SLC6A2: variants seen among roughly 807,000 people sequenced by gnomAD.
The protein encoded by SLC6A2 is solute carrier family 6 member 2.
SLC6A2 carries 26 observed loss-of-function variants against 71.7 expected under a neutral mutation model. The observed-to-expected ratio is 0.36, with a 90% confidence interval of 0.27 to 0.50. The LOEUF is 0.50. Among genes scored for constraint, SLC6A2 ranks in the 20% least tolerant of loss-of-function variants. The pLI is 0.96. For synonymous variants in SLC6A2, 363 were observed against 337.9 expected, an observed-to-expected ratio of 1.07 and a Z score of -0.82; for missense variants, 581 against 803.9, an observed-to-expected ratio of 0.72 and a Z score of 3.35.
chr16:55,705,567 G>T lies in SLC6A2; in HGVS notation c.*3221G>T, dbSNP rs1966083673. On this transcript the variant is annotated 3_prime_UTR_variant, in exon 15 of 15. Transcript: ENST00000568943. ...CTAGCTGGGTGGCCTGGGGATAGTG[G>T]CTTCATCTTTTGGGGCTTCAAGATT... The T allele has an allele frequency of 6.3e-6, 2 of 316,792 alleles. No homozygotes were observed. The highest frequency in any genetic ancestry group is 2.1e-5 in the African/African-American group (1 of 47,058). 19.6% of individuals were successfully genotyped at this position (316,792 alleles called of 1,614,324 possible).
chr16:55,703,480 C>T lies in SLC6A2; in HGVS notation c.*1134C>T, dbSNP rs1351535081. ...GGGTGAGACAAGCAGCCCAGAAATA[C>T]TCTCTCAAGTGGAGGGGAGAATTTT... On this transcript the variant is annotated 3_prime_UTR_variant, in exon 15 of 15. Transcript: ENST00000568943. 2 of 985,410 alleles carry T rather than the reference C, an allele frequency of 2.0e-6. No homozygotes were observed. Among genetic ancestry groups the T allele is most frequent in the South Asian group, 4.7e-5 (1 of 21,286 alleles). 61.0% of individuals were successfully genotyped at this position (985,410 alleles called of 1,614,324 possible).
chr16:55,663,298 G>T (rs189369615), intron 2 of SLC6A2, among the ~76,000 whole-genome samples: 1 of 152,160 alleles, frequency 6.6e-6, no homozygotes. Flanking sequence ...TCATGAGAGT[G>T]GATCCCTTAT....
rs755225108 is a variant in SLC6A2, at chr16:55,701,945, C to T, written c.1830+11C>T. On this transcript the variant is annotated intron_variant, in intron 14 of 14. Coordinates refer to ENST00000568943, the MANE Select transcript of SLC6A2 (RefSeq NM_001172501.3). ...ATCAGACAGTTCCAGGTGGGTGAAGCCTAGACCCCTGGGGTGGAGATTACA... is the reference window on the plus strand; with the variant it reads ...ATCAGACAGTTCCAGGTGGGTGAAGTCTAGACCCCTGGGGTGGAGATTACA... The T allele has an allele frequency of 6.9e-6, 11 of 1,605,160 alleles. No individual in the cohort carries two copies. The highest frequency in any genetic ancestry group is 2.2e-5 in the South Asian group (2 of 90,900).
At position 55,700,158 on chromosome 16, in the gene SLC6A2, T is replaced by C. The variant is rs576732054; in HGVS notation, c.1610T>C (p.Ile537Thr). 3 of 1,614,078 alleles carry C rather than the reference T, an allele frequency of 1.9e-6. No homozygotes were observed. The highest frequency in any genetic ancestry group is 4.5e-5 in the East Asian group (2 of 44,858). ...CTCTAGTTCGTGGTTGTGGTCAGCA[T>C]CATCAACTTCAAGCCACTCACCTAC... is the stretch of plus-strand genomic sequence containing the variant. ...AFLLFVVVVSIINFKPLTYDD... is the reference protein window; with the variant it reads ...AFLLFVVVVSTINFKPLTYDD... Residue 537 changes from isoleucine (I) to threonine (T), a missense_variant, in exon 13 of 15, where the codon ATC (isoleucine) becomes ACC (threonine). Transcript: ENST00000568943.
At chr16:55,657,182 C>T (rs982391590) in intron 2 of SLC6A2, among the ~76,000 whole-genome samples, 2 of 152,132 alleles carry the variant, frequency 1.3e-5, no homozygotes, top group Non-Finnish European at 2.9e-5. Context: ...ACCTCGAGCT[C>T]ATTCCAGCGG....
At position 55,703,268 on chromosome 16, in the gene SLC6A2, G is replaced by A. The variant is rs1471147128; in HGVS notation, c.*922G>A. 22 of 985,350 alleles carry A rather than the reference G, an allele frequency of 2.2e-5. No individual in the cohort carries two copies. Among genetic ancestry groups the A allele is most frequent in the South Asian group, 4.7e-5 (1 of 21,286 alleles). The allele number at this position is 985,350 out of a possible 1,614,324, so 61.0% of individuals were successfully genotyped here. A position where few individuals can be genotyped will look rare whatever the true frequency, so the allele number is the denominator to read the frequency against. On this transcript the variant is annotated 3_prime_UTR_variant, in exon 15 of 15. Transcript: ENST00000568943. The stretch of plus-strand genomic sequence containing the variant: ...GTGAGGCCTCATGTGTGTCTTCACC[G>A]TGCTGTCCTCACAAGGCCAGGTGGG...
At chr16:55,669,474 G>A (rs1378182515) in intron 2 of SLC6A2, 91 bp from the exon 3 acceptor site, 10 of 1,429,736 alleles carry the variant, frequency 7.0e-6, no homozygotes, top group East Asian at 4.6e-5. Context: ...CTGAGCAGAC[G>A]CCCAGGATCT....
intron 5 of SLC6A2, 110 bp from the exon 6 acceptor site, chr16:55,691,808 A>T: frequency 8.0e-7 from 1 of 1,252,374 alleles, no homozygotes; most frequent in Non-Finnish European, 1.2e-6. Context: ...GGGTAAAGGA[A>T]GGTGGGAAAG....
intron 4 of SLC6A2, among the ~76,000 whole-genome samples, chr16:55,684,791 C>G (rs1965394096): frequency 6.6e-6 from 1 of 152,228 alleles, no homozygotes; most frequent in Non-Finnish European, 1.5e-5. Context: ...CTGCTGAGAA[C>G]TGCTCTTTAT....
intron 5 of SLC6A2, among the ~76,000 whole-genome samples, chr16:55,691,265 G>A (rs928799597): frequency 9.6e-5 from 14 of 146,516 alleles, no homozygotes; most frequent in South Asian, 2.3e-4. Context: ...GAGAGAGAGA[G>A]AGAGAGAGAG....
chr16:55,672,574 C>T (rs1336573824), intron 4 of SLC6A2, among the ~76,000 whole-genome samples: 1 of 152,180 alleles, frequency 6.6e-6, no homozygotes, highest in Non-Finnish European at 1.5e-5. Flanking sequence ...AAAGGCCTCT[C>T]TGAGGAGGTG....
intron 2 of SLC6A2, among the ~76,000 whole-genome samples, chr16:55,666,327 G>A (rs1366144337): frequency 6.6e-6 from 1 of 152,188 alleles, no homozygotes; most frequent in African/African-American, 2.4e-5. Flanking sequence ...TCGGTTTCCA[G>A]AGAACCACTG....
At chr16:55,679,576 T>C (rs544954633) in intron 4 of SLC6A2, among the ~76,000 whole-genome samples, 1 of 152,210 alleles carries the variant, frequency 6.6e-6, no homozygotes, top group African/African-American at 2.4e-5. Flanking sequence ...CCTTTCCTCT[T>C]CTTTTTCTCT....
intron 5 of SLC6A2, among the ~76,000 whole-genome samples, chr16:55,690,845 G>A (rs1965594781): frequency 6.6e-6 from 1 of 152,178 alleles, no homozygotes. Flanking sequence ...GGGTGAGAAG[G>A]AATAGCAAGG....
chr16:55,671,625 T>G (rs1048102587), intron 3 of SLC6A2: 15 of 537,970 alleles, frequency 2.8e-5, no homozygotes, highest in African/African-American at 2.4e-4. Context: ...CACTAGATTC[T>G]CATAGGAGCG....
At chr16:55,685,669 C>A (rs1965429401) in intron 5 of SLC6A2, among the ~76,000 whole-genome samples, 1 of 152,212 alleles carries the variant, frequency 6.6e-6, no homozygotes, top group African/African-American at 2.4e-5. Flanking sequence ...AATGTTGCAT[C>A]CTACTCTGGA....
chr16:55,698,441 C>T (rs1480178223), intron 10 of SLC6A2, 28 bp from the exon 11 acceptor site: 2 of 1,537,020 alleles, frequency 1.3e-6, no homozygotes, highest in South Asian at 1.1e-5. Context: ...CAAAGAGGGC[C>T]TCTTGGCTTC....
chr16:55,696,319 G>T lies in SLC6A2; in HGVS notation c.1242G>T (p.Ala414=), dbSNP rs747521871. Reference sequence around the variant, plus strand: ...TTGTGTTTTTCGTCATGCTCCTGGCGCTGGGCCTTGACAGCTCAGTGAGTG... The same window carrying T: ...TTGTGTTTTTCGTCATGCTCCTGGCTCTGGGCCTTGACAGCTCAGTGAGTG... ...WAVVFFVMLL[A]LGLDSSMGGM... is the part of the protein sequence containing the mutation. The change falls in exon 9 of 15, where the codon GCG becomes GCT. Residue 414 remains alanine (A), a synonymous_variant. Transcript: ENST00000568943. 31 of 1,610,134 alleles carry T rather than the reference G, an allele frequency of 1.9e-5. No homozygotes were observed. The highest frequency in any genetic ancestry group is 1.9e-4 in the South Asian group (17 of 90,980).
intron 3 of SLC6A2, among the ~76,000 whole-genome samples, chr16:55,670,241 T>A (rs537614082): frequency 7.0e-4 from 107 of 152,196 alleles, no homozygotes; most frequent in Middle Eastern, 6.8e-3. Context: ...GGAGGAAGAG[T>A]TAGTCTCTCC....
Sources: gnomAD v4.1 joint callset for allele counts (sites outside exome capture counted in the v4.1 genomes callset) on GRCh38, gnomAD v4.1.1 for gene constraint, MANE v1.5 for transcripts, NCBI Gene and HGNC (gene_info 2026-07-23, HGNC 2026-07-21) for gene names.